BTF3L4: variants seen among roughly 807,000 people sequenced by gnomAD.
BTF3L4 encodes basic transcription factor 3 like 4, also known as transcription factor BTF3 homolog 4.
In BTF3L4, 6 loss-of-function variants were observed where a neutral mutation model predicts 16.8. That is an observed-to-expected ratio of 0.36 (90% CI 0.20 to 0.71). BTF3L4 has a LOEUF of 0.71. Ranked by LOEUF, BTF3L4 falls within the 30% of genes least tolerant of loss-of-function variation. The probability of loss-of-function intolerance (pLI) is 0.58; values close to 1 mark genes in which losing one functional copy is unlikely to be tolerated. For missense variants in BTF3L4, 92 were observed against 186.9 expected (o/e 0.49, Z 2.96); for synonymous variants, 39 against 59.8 (o/e 0.65, Z 1.60).
At chr1:52,084,564 G>T (rs1643953006) in intron 4 of BTF3L4, among the ~76,000 whole-genome samples, 1 of 151,884 alleles carries the variant, frequency 6.6e-6, no homozygotes, top group African/African-American at 2.4e-5. Context: ...TGCTGAGGAG[G>T]GAGTATTTCT....
chr1:52,056,426 G>T, intron 1 of BTF3L4, 47 bp downstream of exon 1: 1 of 152,910 alleles, frequency 6.5e-6, no homozygotes, highest in East Asian at 1.9e-4. Context: ...AGGCCGCTGC[G>T]CACGGTCTCC....
intron 2 of BTF3L4, among the ~76,000 whole-genome samples, chr1:52,064,119 A>G (rs1324838593): frequency 1.3e-5 from 2 of 152,194 alleles, no homozygotes; most frequent in Non-Finnish European, 2.9e-5. Context: ...TGCTCTAGCC[A>G]TACTGGCCCA....
At chr1:52,063,733 A>G (rs1686576127) in intron 2 of BTF3L4, among the ~76,000 whole-genome samples, 1 of 152,204 alleles carries the variant, frequency 6.6e-6, no homozygotes, top group Non-Finnish European at 1.5e-5. Context: ...ATAATTTTCA[A>G]CCTGTTTGCT....
At chr1:52,081,736 G>T (rs1643925815) in intron 3 of BTF3L4, among the ~76,000 whole-genome samples, 1 of 152,200 alleles carries the variant, frequency 6.6e-6, no homozygotes, top group South Asian at 2.1e-4. Flanking sequence ...AGAACCCTAA[G>T]TGTAATAGTG....
At chr1:52,071,613 G>T (rs1460215170) in intron 3 of BTF3L4, among the ~76,000 whole-genome samples, 4 of 152,190 alleles carry the variant, frequency 2.6e-5, no homozygotes, top group Non-Finnish European at 4.4e-5. Flanking sequence ...GCTATAGGGA[G>T]CTAGGGCTTA....
intron 2 of BTF3L4, among the ~76,000 whole-genome samples, chr1:52,063,016 C>T (rs894693749): frequency 6.6e-6 from 1 of 152,200 alleles, no homozygotes; most frequent in Non-Finnish European, 1.5e-5. Flanking sequence ...CTCGCTCATG[C>T]CCCCTACCCC....
At chr1:52,086,607 G>GT in intron 5 of BTF3L4, 105 bp from the exon 6 acceptor site, 4 of 638,212 alleles carry the variant, frequency 6.3e-6, no homozygotes, top group Non-Finnish European at 1.1e-5. Flanking sequence ...GCTAATTCTG[G>GT]TTGTACTAAT....
chr1:52,071,989 A>C (rs1389090151), intron 3 of BTF3L4, among the ~76,000 whole-genome samples: 1 of 141,466 alleles, frequency 7.1e-6, no homozygotes, highest in East Asian at 2.0e-4. Context: ...ATATCTATAT[A>C]TATATCACAA....
At chr1:52,073,475 C>T (rs1686845600) in intron 3 of BTF3L4, among the ~76,000 whole-genome samples, 2 of 135,628 alleles carry the variant, frequency 1.5e-5, no homozygotes, top group African/African-American at 2.8e-5. Flanking sequence ...TATATATATG[C>T]ACTATATATA....
intron 5 of BTF3L4, 144 bp downstream of exon 5, chr1:52,086,315 A>G (rs1228051214): frequency 1.8e-6 from 1 of 567,590 alleles, no homozygotes; most frequent in African/African-American, 1.9e-5. Context: ...GATCTAATGA[A>G]AAACAACGTA....
rs1371381601 is a variant in BTF3L4 at position 52,088,125 on chromosome 1, T to G, written c.*1367T>G. On this transcript the variant is annotated 3_prime_UTR_variant, in exon 6 of 6. Coordinates refer to ENST00000313334, the MANE Select transcript of BTF3L4 (RefSeq NM_152265.5). ...ACAGCCAATATTTAAGGACAAAATTTAGAAAATATATCATTTCCTGGCCCA... is the reference window on the plus strand; with the variant it reads ...ACAGCCAATATTTAAGGACAAAATTGAGAAAATATATCATTTCCTGGCCCA... The G allele has an allele frequency of 2.0e-5, 3 of 152,634 alleles. No individual in the cohort carries two copies. Among genetic ancestry groups the G allele is most frequent in the Admixed American group, 2.0e-4 (3 of 15,268 alleles). The allele number at this position is 152,634 out of a possible 1,614,324, so 9.5% of individuals were successfully genotyped here. A position where few individuals can be genotyped will look rare whatever the true frequency, so the allele number is the denominator to read the frequency against.
chr1:52,075,778 C>T (rs1365721928), intron 3 of BTF3L4, among the ~76,000 whole-genome samples: 1 of 151,918 alleles, frequency 6.6e-6, no homozygotes, highest in Admixed American at 6.6e-5. Context: ...ATTATCCTGC[C>T]TCAGCCTCCT....
chr1:52,063,923 A>G (rs991612602), intron 2 of BTF3L4, among the ~76,000 whole-genome samples: 13 of 152,042 alleles, frequency 8.6e-5, no homozygotes, highest in Non-Finnish European at 1.6e-4. Context: ...TTTATAATCC[A>G]TTTTCTACAT....
At position 52,070,473 on chromosome 1, in the gene BTF3L4, C is replaced by T. The variant is rs1338858544; in HGVS notation, c.168+5535C>T. 2.7e-5 allele frequency among the ~76,000 whole-genome samples: 4 copies of T among 147,130 alleles called. No individual in the cohort carries two copies. In the East Asian group the frequency reaches 6.6e-4, roughly 24 times the overall value. On this transcript the variant is annotated intron_variant, in intron 3 of 5. Transcript: ENST00000313334. ...CTTCAGGAGGCTGAGGCAGGGGAAT[C>T]GCTTGAACCCTGGAGGCAGAGGTTT...
chr1:52,085,013 CTTTTTTTTTTTT>C (rs764763479), intron 4 of BTF3L4, among the ~76,000 whole-genome samples: 596 of 58,616 alleles, frequency 0.01, 17 homozygotes, highest in African/African-American at 0.038. Context: ...TGAAAAAAAT[CTTTTTTTTTTTT>C]TTTTTTTTTT....
At chr1:52,072,125 G>C (rs1206059608) in intron 3 of BTF3L4, among the ~76,000 whole-genome samples, 1 of 151,212 alleles carries the variant, frequency 6.6e-6, no homozygotes, top group Non-Finnish European at 1.5e-5. Flanking sequence ...TGCGATCTCG[G>C]CTCACTGCAA....
intron 2 of BTF3L4, among the ~76,000 whole-genome samples, chr1:52,063,954 A>G (rs1293291558): frequency 6.6e-6 from 1 of 152,226 alleles, no homozygotes. Flanking sequence ...GTCATAAGTA[A>G]TCAGATCAAG....
chr1:52,061,011 G>T (rs1686495132), intron 2 of BTF3L4, among the ~76,000 whole-genome samples: 1 of 152,222 alleles, frequency 6.6e-6, no homozygotes, highest in Non-Finnish European at 1.5e-5. Context: ...CACCTACTGT[G>T]TGCCAGCACA....
intron 3 of BTF3L4, among the ~76,000 whole-genome samples, chr1:52,070,134 T>G (rs1686748149): frequency 6.6e-6 from 1 of 151,880 alleles, no homozygotes; most frequent in Non-Finnish European, 1.5e-5. Context: ...GGAGAATCGC[T>G]TGAACCTGGG....
Sources: allele counts gnomAD v4.1 joint callset (sites outside exome capture counted in the v4.1 genomes callset), GRCh38; gene constraint gnomAD v4.1.1; transcripts MANE v1.5; gene names NCBI Gene and HGNC (gene_info 2026-07-23, HGNC 2026-07-21).